PRDM6: variants seen among roughly 807,000 people sequenced by gnomAD.
The protein encoded by PRDM6 is PR/SET domain 6.
Under a neutral mutation model 60.8 loss-of-function variants are expected in PRDM6, and 25 were observed. That is an observed-to-expected ratio of 0.41 (90% CI 0.30 to 0.57). The LOEUF (loss-of-function observed/expected upper bound fraction) is 0.57, where lower values mean the gene tolerates loss of function less well. Among genes scored for constraint, PRDM6 ranks in the 20% least tolerant of loss-of-function variants. The pLI is 0.27. For synonymous variants in PRDM6, 407 were observed against 357.4 expected (o/e 1.14, Z -1.57); for missense variants, 839 against 821.3 (o/e 1.02, Z -0.26).
In PRDM6 at chr5:123,191,079, G is replaced by A. The variant is rs980475984; in HGVS notation, c.*3878G>A. On this transcript the variant is annotated 3_prime_UTR_variant, in exon 8 of 8. Transcript: ENST00000407847. ...TCAAGAGACCAGGATTAGGGCCTGGGTCTTGGGTTTTTATGACCCCCCCTT... is the reference window on the plus strand; with the variant it reads ...TCAAGAGACCAGGATTAGGGCCTGGATCTTGGGTTTTTATGACCCCCCCTT... 2 of 152,156 alleles carry A rather than the reference G, an allele frequency of 1.3e-5. No individual in the cohort carries two copies. Among genetic ancestry groups the A allele is most frequent in the African/African-American group, 4.8e-5 (2 of 41,430 alleles). 9.4% of individuals were successfully genotyped at this position (152,156 alleles called of 1,614,324 possible).
chr5:123,091,886 C>G (rs1485226429), intron 2 of PRDM6, among the ~76,000 whole-genome samples: 1 of 151,776 alleles, frequency 6.6e-6, no homozygotes, highest in Non-Finnish European at 1.5e-5. Context: ...GTTGTAAAAG[C>G]AAAATAAGTT....
At chr5:123,103,131 A>G (rs1408644772) in intron 3 of PRDM6, among the ~76,000 whole-genome samples, 3 of 152,048 alleles carry the variant, frequency 2.0e-5, no homozygotes, top group Non-Finnish European at 4.4e-5. Flanking sequence ...AGGAAGTTAA[A>G]TATCATTTCA....
chr5:123,164,057 T>A (rs1214993207), intron 5 of PRDM6, among the ~76,000 whole-genome samples: 4 of 152,064 alleles, frequency 2.6e-5, no homozygotes, highest in African/African-American at 9.7e-5. Context: ...GAAGATAATG[T>A]ATAGTTCAGT....
At chr5:123,149,264 G>T (rs527257810) in intron 3 of PRDM6, among the ~76,000 whole-genome samples, 80 of 152,268 alleles carry the variant, frequency 5.3e-4, no homozygotes, top group Non-Finnish European at 8.1e-4. Context: ...AGCAGTGCTG[G>T]ATCTCTGTGG....
At chr5:123,176,039 G>A (rs1428706901) in intron 6 of PRDM6, among the ~76,000 whole-genome samples, 2 of 152,132 alleles carry the variant, frequency 1.3e-5, no homozygotes, top group Non-Finnish European at 2.9e-5. Context: ...TTCTTAAGGA[G>A]CACCTTTCTG....
At chr5:123,155,705 G>A (rs1050522896) in intron 3 of PRDM6, among the ~76,000 whole-genome samples, 179 bp from the exon 4 acceptor site, 3 of 152,164 alleles carry the variant, frequency 2.0e-5, no homozygotes, top group Non-Finnish European at 4.4e-5. Context: ...TGATCGACTT[G>A]CATCATCAAA....
At chr5:123,174,932 CTT>C (rs1027965221) in intron 6 of PRDM6, among the ~76,000 whole-genome samples, 7 of 152,184 alleles carry the variant, frequency 4.6e-5, no homozygotes, top group African/African-American at 1.7e-4. Context: ...AGGCTACTGA[CTT>C]TTTCTTTTCC....
At chr5:123,112,472 A>T (rs1438418542) in intron 3 of PRDM6, among the ~76,000 whole-genome samples, 2 of 152,092 alleles carry the variant, frequency 1.3e-5, no homozygotes, top group African/African-American at 4.8e-5. Context: ...GCTGCTGTTG[A>T]TGGAAGTCAT....
At chr5:123,141,910 C>T (rs1255000344) in intron 3 of PRDM6, among the ~76,000 whole-genome samples, 1 of 152,144 alleles carries the variant, frequency 6.6e-6, no homozygotes, top group Non-Finnish European at 1.5e-5. Flanking sequence ...ATCTCAGATT[C>T]AGAACCAGGC....
chr5:123,094,495 A>T (rs1763914909), intron 2 of PRDM6, among the ~76,000 whole-genome samples: 1 of 151,842 alleles, frequency 6.6e-6, no homozygotes, highest in Non-Finnish European at 1.5e-5. Context: ...CATAACACAC[A>T]TGATTTAGCT....
rs747032271 is a variant in PRDM6 at position 123,090,206 on chromosome 5, T to A, written c.192T>A (p.Pro64=). The change falls in exon 2 of 8, where the codon CCT becomes CCA. Residue 64 remains proline, a synonymous_variant. Transcript: ENST00000407847. The stretch of plus-strand genomic sequence containing the variant: ...CCCCGCCCCCGGAGCGCGCTGAGCC[T>A]CCGCCGGACAGCCTGCGCCCGCGGC... ...PPPPPPERAE[P]PPDSLRPRPA... The A allele has an allele frequency of 1.4e-6, 2 of 1,479,846 alleles. No individual in the cohort carries two copies. The highest frequency in any genetic ancestry group is 1.8e-6 in the Non-Finnish European group (2 of 1,118,118). 91.7% of individuals were successfully genotyped at this position (1,479,846 alleles called of 1,614,324 possible).
At chr5:123,108,369 G>A (rs191091960) in intron 3 of PRDM6, among the ~76,000 whole-genome samples, 2 of 152,116 alleles carry the variant, frequency 1.3e-5, no homozygotes, top group Admixed American at 1.3e-4. Flanking sequence ...AGCACACCTG[G>A]AAATATTAAT....
Position 123,099,460 on chromosome 5 carries a change from C to T in PRDM6, c.593-194C>T, listed in dbSNP as rs1764045618. On this transcript the variant is annotated intron_variant, in intron 2 of 7. Transcript: ENST00000407847. This position sits in a 1 kb window ranked among gnomAD's most constrained non-coding sequence, Gnocchi z 4.0. ...CAGGCAGATCTGGGTGCGGCGAATT[C>T]CAAGGGAGCGGCGCGGGTTCTCTTC... is the stretch of plus-strand genomic sequence containing the variant. 6.6e-6 allele frequency among the ~76,000 whole-genome samples: 1 copy of T among 152,132 alleles called. No homozygotes were observed. The highest frequency in any genetic ancestry group is 1.5e-5 in the Non-Finnish European group (1 of 68,006).
chr5:123,118,870 A>G (rs529189501), intron 3 of PRDM6, among the ~76,000 whole-genome samples: 2 of 152,168 alleles, frequency 1.3e-5, no homozygotes, highest in Non-Finnish European at 2.9e-5. Context: ...AGGCACAGGT[A>G]TATGACCTTC....
intron 5 of PRDM6, among the ~76,000 whole-genome samples, chr5:123,167,404 T>G (rs1034324631): frequency 7.9e-5 from 12 of 152,146 alleles, no homozygotes; most frequent in Admixed American, 2.6e-4. Flanking sequence ...TTTTTTTTTT[T>G]TTGAGACGGA....
intron 3 of PRDM6, among the ~76,000 whole-genome samples, chr5:123,101,899 T>C (rs1224711298): frequency 6.6e-6 from 1 of 152,204 alleles, no homozygotes; most frequent in Non-Finnish European, 1.5e-5. Flanking sequence ...CTGGGGAATT[T>C]AGTCAGTGTT....
rs1225144567 is a variant in PRDM6 at position 123,090,168 on chromosome 5, C to A, written c.154C>A (p.Pro52Thr). 28 of 1,420,032 alleles carry A rather than the reference C, an allele frequency of 2.0e-5. No homozygotes were observed. Among genetic ancestry groups the A allele is most frequent in the Non-Finnish European group, 2.5e-5 (27 of 1,063,316 alleles). 88.0% of individuals were successfully genotyped at this position (1,420,032 alleles called of 1,614,324 possible). ...CCTGAGCGCGCCGCAGCCTCTTCAG[C>A]CGCCGCCGCCGCCCCCGCCCCCGGA... The part of the protein sequence containing the change: ...GLLSAPQPLQ[P>T]PPPPPPPERA... Residue 52 changes from proline (P) to threonine (T), a missense_variant, in exon 2 of 8, where the codon CCG (proline) becomes ACG (threonine). Pro to Thr is a conservative substitution (Grantham distance 38, BLOSUM62 -1). This residue lies in a region of PRDM6 where 730 missense variants were observed against 648.8 expected (regional missense o/e 1.13). Transcript: ENST00000407847.
At position 123,188,494 on chromosome 5, in the gene PRDM6, A is replaced by T. The variant is rs1766338216; in HGVS notation, c.*1293A>T. The T allele has an allele frequency of 6.6e-6, 1 of 152,250 alleles. No homozygotes were observed. The highest frequency in any genetic ancestry group is 1.5e-5 in the Non-Finnish European group (1 of 68,052). The allele number at this position is 152,250 out of a possible 1,614,324, so 9.4% of individuals were successfully genotyped here. ...GCTCAATGAAATTGGGTCACATTTA[A>T]TGAAATGATCTAGTTTTGGGAAGAG... is the stretch of plus-strand genomic sequence containing the variant. On this transcript the variant is annotated 3_prime_UTR_variant, in exon 8 of 8. Transcript: ENST00000407847.
At chr5:123,140,123 TATC>T (rs996708814) in intron 3 of PRDM6, among the ~76,000 whole-genome samples, 10 of 152,172 alleles carry the variant, frequency 6.6e-5, no homozygotes, top group Non-Finnish European at 1.3e-4. Flanking sequence ...ATCATAATAA[TATC>T]ATAATTACCG....
Sources: gnomAD v4.1 joint callset for allele counts (sites outside exome capture counted in the v4.1 genomes callset) on GRCh38, gnomAD v4.1.1 for gene constraint, gnomAD v4.1.1 regional missense constraint, Gnocchi (gnomAD v3.1) non-coding constraint, MANE v1.5 for transcripts, NCBI Gene and HGNC (gene_info 2026-07-23, HGNC 2026-07-21) for gene names.